Variants in SYNE3 observed in about 807,000 individuals in gnomAD.
SYNE3 encodes the protein spectrin repeat containing nuclear envelope family member 3, also known as nesprin-3.
Under a neutral mutation model 111.2 loss-of-function variants are expected in SYNE3, and 100 were observed. The observed-to-expected ratio is 0.90, with a 90% CI of 0.77 to 1.06. SYNE3 has a LOEUF of 1.06. SYNE3 is among the 50% of genes least tolerant of loss of function. SYNE3 has a pLI of 0.00. For synonymous variants in SYNE3, 547 were observed against 533.9 expected (o/e 1.02, Z -0.34); for missense variants, 1,160 against 1,240.3 (o/e 0.94, Z 0.97).
chr14:95,432,640 T>TATTATTATTA (rs1428086110), intron 16 of SYNE3, among the ~76,000 whole-genome samples: 1 of 65,700 alleles, frequency 1.5e-5, no homozygotes, highest in African/African-American at 6.1e-5. Flanking sequence ...TTGCTATTAT[T>TATTATTATTA]ATTATTATTA....
chr14:95,472,297 C>T (rs550528862), intron 2 of SYNE3, among the ~76,000 whole-genome samples: 11 of 152,208 alleles, frequency 7.2e-5, no homozygotes, highest in Admixed American at 5.9e-4. Flanking sequence ...TGGCTCAGGC[C>T]AGGACCCAGA....
At chr14:95,452,532 C>G in intron 6 of SYNE3, 149 bp from the exon 7 acceptor site, 1 of 928,608 alleles carries the variant, frequency 1.1e-6, no homozygotes, top group Middle Eastern at 3.5e-4. Context: ...CACTCTTGAG[C>G]TCAGCCCCTA....
In SYNE3 at chr14:95,487,003, T is replaced by C. The variant is rs76364900; in HGVS notation, c.-14-11168A>G. 5.2e-3 allele frequency among the ~76,000 whole-genome samples: 786 copies of C among 152,290 alleles called. 8 individuals are homozygous for C. Among genetic ancestry groups the C allele is most frequent in the African/African-American group, 0.018 (746 of 41,566 alleles). ...CATGCCAGCTGCACCACACTGCCTGTGTTTCCAGAATATTAGAGTCTGGGT... is the reference window on the plus strand; with the variant it reads ...CATGCCAGCTGCACCACACTGCCTGCGTTTCCAGAATATTAGAGTCTGGGT... On this transcript the variant is annotated intron_variant, in intron 1 of 17. Transcript: ENST00000682763.
chr14:95,438,821 TG>T, intron 14 of SYNE3: 1 of 605,040 alleles, frequency 1.7e-6, no homozygotes, highest in Non-Finnish European at 2.8e-6. Flanking sequence ...GGCCTGGCTC[TG>T]CAGACTCTGG....
At chr14:95,465,168 A>G (rs753165060) in intron 4 of SYNE3, among the ~76,000 whole-genome samples, 3 of 152,124 alleles carry the variant, frequency 2.0e-5, no homozygotes, top group Non-Finnish European at 4.4e-5. Flanking sequence ...GAGAAGGATT[A>G]AAGGGCAGGA....
intron 4 of SYNE3, among the ~76,000 whole-genome samples, chr14:95,461,954 G>T (rs1240603718): frequency 6.6e-6 from 1 of 152,214 alleles, no homozygotes; most frequent in Admixed American, 6.5e-5. Context: ...GGGACACCCA[G>T]GAGGTCAATG....
intron 2 of SYNE3, among the ~76,000 whole-genome samples, chr14:95,468,735 C>A (rs937335254): frequency 6.6e-6 from 1 of 152,186 alleles, no homozygotes; most frequent in African/African-American, 2.4e-5. Context: ...ATTCTCCCAG[C>A]GGGATCCCCC....
At position 95,457,194 on chromosome 14, in the gene SYNE3, G is replaced by A. The variant is rs750448277; in HGVS notation, c.772C>T (p.Arg258Cys). The A allele has an allele frequency of 2.9e-5, 46 of 1,613,676 alleles. No individual in the cohort carries two copies. The highest frequency in any genetic ancestry group is 1.6e-4 in the Middle Eastern group (1 of 6,084). Residue 258 changes from arginine to cysteine, a missense_variant, in exon 5 of 18, where the codon CGC (arginine) becomes TGC (cysteine). Coordinates refer to ENST00000682763, the MANE Select transcript of SYNE3 (RefSeq NM_152592.6). ...GGGATTACCTGCAGTGTGGAGAGGC[G>A]CTGCGTGATGGGCAGCTTGCAGTTC... is the stretch of plus-strand genomic sequence containing the variant. ...GRNCKLPITQRLSTLQDIAKD... is the reference protein window; with the variant it reads ...GRNCKLPITQCLSTLQDIAKD...
Position 95,417,987 on chromosome 14 carries a change from C to A in SYNE3, c.2767G>T (p.Ala923Ser). 6.2e-7 allele frequency: 1 copy of A among 1,612,264 alleles called. No homozygotes were observed. Residue 923 changes from alanine (A) to serine (S), a missense_variant, in exon 18 of 18, where the codon GCG becomes TCG. Transcript: ENST00000682763. The part of the protein sequence containing the change: ...WRGLGSLFRR[A>S]CCVALPLQLL... ...TGCAGTGGGAGCGCCACACAGCACG[C>A]CCTCCGGAAGAGGGAGCCCAGTCCT...
intron 17 of SYNE3, among the ~76,000 whole-genome samples, chr14:95,431,697 G>T (rs1417663924): frequency 6.6e-6 from 1 of 152,194 alleles, no homozygotes; most frequent in African/African-American, 2.4e-5. Context: ...ACACCGTCCA[G>T]TTTGCCCGCA....
chr14:95,495,506 T>C (rs6575515), intron 1 of SYNE3, among the ~76,000 whole-genome samples: 98,325 of 151,652 alleles, frequency 0.65, 32,454 homozygotes, highest in African/African-American at 0.78. Flanking sequence ...ATAGTTCCCA[T>C]GGGTGAGGCC....
At chr14:95,484,482 A>G (rs1595247600) in intron 1 of SYNE3, among the ~76,000 whole-genome samples, 4 of 152,308 alleles carry the variant, frequency 2.6e-5, no homozygotes, top group Non-Finnish European at 5.9e-5. Context: ...AGCCGGTCAG[A>G]GGGCAGGCAG....
intron 4 of SYNE3, among the ~76,000 whole-genome samples, 173 bp downstream of exon 4, chr14:95,465,758 G>C (rs1171898386): frequency 6.6e-6 from 1 of 151,984 alleles, no homozygotes; most frequent in African/African-American, 2.4e-5. Context: ...GTAGACAGAT[G>C]GATGGGAGGG....
intron 1 of SYNE3, among the ~76,000 whole-genome samples, chr14:95,476,206 A>G (rs929215214): frequency 2.6e-5 from 4 of 152,244 alleles, no homozygotes; most frequent in African/African-American, 9.6e-5. Flanking sequence ...GTCTGGACCC[A>G]TAATGATCTT....
intron 1 of SYNE3, among the ~76,000 whole-genome samples, chr14:95,502,445 C>T (rs1360947771): frequency 6.6e-6 from 1 of 152,108 alleles, no homozygotes; most frequent in East Asian, 1.9e-4. Flanking sequence ...GCCCCATCTT[C>T]CCCGGCTGGC....
At chr14:95,431,095 C>T (rs1377145510) in intron 17 of SYNE3, among the ~76,000 whole-genome samples, 1 of 152,262 alleles carries the variant, frequency 6.6e-6, no homozygotes, top group Admixed American at 6.5e-5. Context: ...TGGATCAGAG[C>T]ATGCCGGAGG....
chr14:95,411,159 A>T lies in SYNE3; in HGVS notation c.*6667T>A, dbSNP rs149747355. 0.014 allele frequency: 2,122 copies of T among 152,298 alleles called. 30 individuals carry two copies. The highest frequency in any genetic ancestry group is 0.022 in the South Asian group (105 of 4,822). 9.4% of individuals were successfully genotyped at this position (152,298 alleles called of 1,614,324 possible). On this transcript the variant is annotated 3_prime_UTR_variant, in exon 18 of 18. Transcript: ENST00000682763. ...CTGAAGAATCCAGGTATCCTCCTTC[A>T]ACAGAGAACTTAGCATTTCCTAATC...
At chr14:95,499,725 C>T (rs1426902225) in intron 1 of SYNE3, among the ~76,000 whole-genome samples, 1 of 152,134 alleles carries the variant, frequency 6.6e-6, no homozygotes, top group Non-Finnish European at 1.5e-5. Flanking sequence ...GCAAGCAATC[C>T]TGCCCCTTTC....
chr14:95,466,870 G>A (rs1012725495), intron 3 of SYNE3, among the ~76,000 whole-genome samples: 1 of 152,224 alleles, frequency 6.6e-6, no homozygotes, highest in African/African-American at 2.4e-5. Context: ...CCCCATGGCT[G>A]GGGTGAAGGA....
Sources: gnomAD v4.1 joint callset for allele counts (sites outside exome capture counted in the v4.1 genomes callset) on GRCh38, gnomAD v4.1.1 for gene constraint, MANE v1.5 for transcripts, NCBI Gene and HGNC (gene_info 2026-07-23, HGNC 2026-07-21) for gene names.